Variants in PHACTR4 observed in about 807,000 individuals in gnomAD.
PHACTR4 encodes the protein phosphatase and actin regulator 4, also known as protein phosphatase 1, regulatory subunit 124.
PHACTR4 carries 51 observed loss-of-function variants against 72.7 expected under a neutral mutation model. The observed-to-expected ratio is 0.70, with a 90% CI of 0.56 to 0.89. The LOEUF (loss-of-function observed/expected upper bound fraction) is 0.89, where lower values mean the gene tolerates loss of function less well. Among genes scored for constraint, PHACTR4 ranks in the 40% least tolerant of loss-of-function variants. PHACTR4 has a pLI of 0.00. For synonymous variants in PHACTR4, 255 were observed against 302.5 expected (o/e 0.84, Z 1.63); for missense variants, 731 against 861.8 (o/e 0.85, Z 1.90).
chr1:28,454,442 A>G (rs1290317265), intron 2 of PHACTR4, among the ~76,000 whole-genome samples: 4 of 151,786 alleles, frequency 2.6e-5, no homozygotes, highest in African/African-American at 9.7e-5. Flanking sequence ...GCGCCCGGCT[A>G]ATTTTTTGTA....
intron 13 of PHACTR4, among the ~76,000 whole-genome samples, chr1:28,494,653 A>G (rs924433858): frequency 6.6e-6 from 1 of 152,242 alleles, no homozygotes; most frequent in African/African-American, 2.4e-5. Context: ...CTGTCTCTCA[A>G]AAAAAGAAAA....
At chr1:28,408,539 A>G (rs933363233) in intron 2 of PHACTR4, among the ~76,000 whole-genome samples, 4 of 152,148 alleles carry the variant, frequency 2.6e-5, no homozygotes, top group African/African-American at 9.7e-5. Flanking sequence ...AGCCTCGGCA[A>G]CACAGGGAGA....
At chr1:28,373,138 T>C (rs1364712790) in intron 1 of PHACTR4, among the ~76,000 whole-genome samples, 1 of 152,072 alleles carries the variant, frequency 6.6e-6, no homozygotes, top group Non-Finnish European at 1.5e-5. Flanking sequence ...TTTAATTTTT[T>C]TGTGGACACG....
At chr1:28,491,066 T>C (rs1661008719) in intron 11 of PHACTR4, 54 bp downstream of exon 11, 3 of 1,546,352 alleles carry the variant, frequency 1.9e-6, no homozygotes, top group Non-Finnish European at 2.7e-6. Flanking sequence ...GGATGGCCTA[T>C]TTGATTGGAA....
At chr1:28,388,709 G>T (rs764046605) in intron 1 of PHACTR4, among the ~76,000 whole-genome samples, 3 of 152,128 alleles carry the variant, frequency 2.0e-5, no homozygotes, top group African/African-American at 4.8e-5. Flanking sequence ...AATTAGCTGG[G>T]CGTGGTGGTG....
chr1:28,433,822 C>T (rs936086904), intron 2 of PHACTR4, among the ~76,000 whole-genome samples: 7 of 151,546 alleles, frequency 4.6e-5, no homozygotes, highest in Admixed American at 6.6e-5. Context: ...CGCTCTGTCA[C>T]CCAGGCTAGA....
At chr1:28,459,444 C>G (rs1446916639) in intron 3 of PHACTR4, among the ~76,000 whole-genome samples, 186 bp downstream of exon 3, 2 of 146,388 alleles carry the variant, frequency 1.4e-5, no homozygotes, top group African/African-American at 5.1e-5. Context: ...CTCTGTTGCC[C>G]AGGCTAGAGT....
At chr1:28,394,754 G>A (rs1440002115) in intron 1 of PHACTR4, among the ~76,000 whole-genome samples, 3 of 150,750 alleles carry the variant, frequency 2.0e-5, no homozygotes, top group Non-Finnish European at 3.0e-5. Context: ...GTGCCACCAC[G>A]CCTGGCTAAT....
Position 28,479,515 on chromosome 1 carries a change from G to A in PHACTR4, c.1607-936G>A, listed in dbSNP as rs576729488. On this transcript the variant is annotated intron_variant, in intron 8 of 13. Transcript: ENST00000373839. ...GGAGAATTGCTTGAGCCTGGGAGGC[G>A]GAGGTTGCAGTGAGCCGAGATCTTG... Among the ~76,000 whole-genome samples the A allele has an allele frequency of 5.3e-5, 8 of 151,118 alleles. No homozygotes were observed. The South Asian group carries it at 6.3e-4, about 12-fold the overall frequency.
At chr1:28,433,201 C>G (rs67621285) in intron 2 of PHACTR4, among the ~76,000 whole-genome samples, 42,783 of 152,024 alleles carry the variant, frequency 0.28, 6,183 homozygotes, top group Middle Eastern at 0.34. Flanking sequence ...CTACTTCTTA[C>G]AAAGTTAAAG....
At position 28,478,012 on chromosome 1, in the gene PHACTR4, T is replaced by G. The variant is rs532812419; in HGVS notation, c.1606+1721T>G. Among the ~76,000 whole-genome samples the G allele has an allele frequency of 2.0e-5, 3 of 152,172 alleles. No individual in the cohort carries two copies. The East Asian group carries it at 5.8e-4, about 30-fold the overall frequency. ...CTAGATCTTATTTCTTCTATCTAAT[T>G]CTGTTTTTATACCCATTAACCAGTC... On this transcript the variant is annotated intron_variant, in intron 8 of 13. Coordinates refer to ENST00000373839, the MANE Select transcript of PHACTR4 (RefSeq NM_001048183.3).
At chr1:28,440,488 C>CGG (rs1441061011) in intron 2 of PHACTR4, among the ~76,000 whole-genome samples, 1 of 144,630 alleles carries the variant, frequency 6.9e-6, no homozygotes, top group Non-Finnish European at 1.5e-5. Flanking sequence ...CTCCGCCTCC[C>CGG]GGGTTCACGC....
At chr1:28,428,435 G>A (rs1232085220) in intron 2 of PHACTR4, among the ~76,000 whole-genome samples, 1 of 152,164 alleles carries the variant, frequency 6.6e-6, no homozygotes, top group Non-Finnish European at 1.5e-5. Flanking sequence ...ATCCTCAAGA[G>A]CTTATTGGCC....
At chr1:28,370,829 C>G (rs899180918) in intron 1 of PHACTR4, among the ~76,000 whole-genome samples, 2 of 152,084 alleles carry the variant, frequency 1.3e-5, no homozygotes, top group African/African-American at 4.8e-5. Context: ...GTGGCGCGCG[C>G]CTGTAATGCC....
intron 2 of PHACTR4, among the ~76,000 whole-genome samples, chr1:28,423,377 C>G (rs986771595): frequency 2.0e-5 from 3 of 151,484 alleles, no homozygotes; most frequent in African/African-American, 7.3e-5. Context: ...TCACTACACT[C>G]CAGCCTGGGC....
chr1:28,461,738 G>A (rs1475263681), intron 4 of PHACTR4, among the ~76,000 whole-genome samples: 2 of 151,894 alleles, frequency 1.3e-5, no homozygotes, highest in Non-Finnish European at 2.9e-5. Context: ...TGTTGCCCAG[G>A]CTAGTCTCAA....
chr1:28,465,567 A>T, intron 4 of PHACTR4, 118 bp from the exon 5 acceptor site: 1 of 1,076,452 alleles, frequency 9.3e-7, no homozygotes, highest in Admixed American at 2.4e-5. Flanking sequence ...CCTGGGCAAC[A>T]TAGTGAGACC....
chr1:28,480,384 C>T, intron 8 of PHACTR4, 67 bp from the exon 9 acceptor site: 1 of 1,563,316 alleles, frequency 6.4e-7, no homozygotes, highest in South Asian at 1.1e-5. Context: ...TTGACTAGCT[C>T]CAGGTAAGGT....
chr1:28,463,779 C>T (rs1473816807), intron 4 of PHACTR4, among the ~76,000 whole-genome samples: 1 of 152,226 alleles, frequency 6.6e-6, no homozygotes, highest in East Asian at 1.9e-4. Context: ...GTCACCCAGG[C>T]TAGAGCACAG....
Sources: gnomAD v4.1 joint callset for allele counts (sites outside exome capture counted in the v4.1 genomes callset) on GRCh38, gnomAD v4.1.1 for gene constraint, MANE v1.5 for transcripts, NCBI Gene and HGNC (gene_info 2026-07-23, HGNC 2026-07-21) for gene names.